Variants in PAX7 observed in about 807,000 individuals in gnomAD.
PAX7 encodes paired box 7.
A neutral mutation model predicts 50.7 loss-of-function variants in PAX7; 18 were observed. The observed-to-expected ratio is 0.36, with a 90% CI of 0.25 to 0.53. The LOEUF (loss-of-function observed/expected upper bound fraction) is 0.53, where lower values mean the gene tolerates loss of function less well. Ranked by LOEUF, PAX7 falls within the 20% of genes least tolerant of loss-of-function variation. The pLI, the probability that PAX7 is intolerant of heterozygous loss-of-function variation, is 0.93. For missense variants in PAX7, 644 were observed against 702.9 expected, an observed-to-expected ratio of 0.92 and a Z score of 0.95; for synonymous variants, 310 against 290.4, an observed-to-expected ratio of 1.07 and a Z score of -0.69.
chr1:18,734,281 C>G (rs1313756898), intron 7 of PAX7, among the ~76,000 whole-genome samples: 1 of 152,144 alleles, frequency 6.6e-6, no homozygotes, highest in Non-Finnish European at 1.5e-5. Flanking sequence ...AGATTATCAG[C>G]AAAGCCGTCC....
chr1:18,702,707 G>A (rs960902246), intron 6 of PAX7, among the ~76,000 whole-genome samples: 7 of 152,144 alleles, frequency 4.6e-5, no homozygotes, highest in Non-Finnish European at 1.0e-4. Flanking sequence ...CCCTTAGGCA[G>A]CGTTTGTAAA....
intron 4 of PAX7, among the ~76,000 whole-genome samples, chr1:18,675,772 A>G (rs2088814276): frequency 6.6e-6 from 1 of 152,058 alleles, no homozygotes. Flanking sequence ...GTGTTGAGTG[A>G]ATTCATATCT....
At chr1:18,649,308 G>A (rs1329996775) in intron 4 of PAX7, among the ~76,000 whole-genome samples, 4 of 152,154 alleles carry the variant, frequency 2.6e-5, no homozygotes, top group Non-Finnish European at 4.4e-5. Context: ...CCCCATGCTG[G>A]CAGTTCATCG....
Position 18,634,095 on chromosome 1 carries a change from T to C in PAX7, c.86-208T>C. On this transcript the variant is annotated intron_variant, in intron 1 of 8. Coordinates refer to ENST00000420770, the MANE Select transcript of PAX7 (RefSeq NM_001135254.2). This position sits in a 1 kb window ranked among gnomAD's most constrained non-coding sequence, Gnocchi z 4.0. ...GACTCTTGCAGCTGTGACTCCTCTATCCATCTCTGCAGGAGATTTCCTAGA... is the reference window on the plus strand; with the variant it reads ...GACTCTTGCAGCTGTGACTCCTCTACCCATCTCTGCAGGAGATTTCCTAGA... Among the ~76,000 whole-genome samples the C allele has an allele frequency of 6.6e-6, 1 of 152,228 alleles. No individual in the cohort carries two copies. The highest frequency in any genetic ancestry group is 6.5e-5 in the Admixed American group (1 of 15,288).
intron 4 of PAX7, among the ~76,000 whole-genome samples, chr1:18,684,105 GTGGGACAGGGCA>G (rs984201616): frequency 1.1e-4 from 16 of 152,248 alleles, no homozygotes; most frequent in African/African-American, 3.9e-4. Flanking sequence ...CATGAGGAGG[GTGGGACAGGGCA>G]TGGGCAGAGG....
chr1:18,665,393 T>C (rs781497841), intron 4 of PAX7, among the ~76,000 whole-genome samples: 2 of 152,188 alleles, frequency 1.3e-5, no homozygotes, highest in African/African-American at 2.4e-5. Flanking sequence ...TCTTTTGTTT[T>C]TGAGACAGAG....
intron 5 of PAX7, among the ~76,000 whole-genome samples, chr1:18,693,191 C>T (rs2089100925): frequency 6.6e-6 from 1 of 152,150 alleles, no homozygotes; most frequent in South Asian, 2.1e-4. Context: ...CTCAGGGAGT[C>T]AGAGCGGCCT....
chr1:18,683,393 G>A (rs1373563635), intron 4 of PAX7, among the ~76,000 whole-genome samples: 2 of 149,254 alleles, frequency 1.3e-5, no homozygotes, highest in Non-Finnish European at 2.9e-5. Context: ...TACTTTATGT[G>A]CCGTAAGATA....
chr1:18,631,329 G>A lies in PAX7; in HGVS notation c.-275G>A. ...AGGCCAGCCGGCAGAGGCGGACTTG[G>A]GGTTGGAGTGTTTGTTTGTTTGAAC... On this transcript the variant is annotated 5_prime_UTR_variant, in exon 1 of 9. Transcript: ENST00000420770. 2.3e-6 allele frequency: 1 copy of A among 435,486 alleles called. No individual in the cohort carries two copies. 27.0% of individuals were successfully genotyped at this position (435,486 alleles called of 1,614,324 possible). A position where few individuals can be genotyped will look rare whatever the true frequency, so the allele number is the denominator to read the frequency against.
intron 4 of PAX7, among the ~76,000 whole-genome samples, chr1:18,672,397 G>A (rs897248660): frequency 1.1e-4 from 17 of 152,148 alleles, no homozygotes; most frequent in African/African-American, 4.1e-4. Context: ...TTAGAAACAT[G>A]TAACAGGAAA....
Position 18,700,563 on chromosome 1 carries a change from G to T in PAX7, c.787-90G>T. ...GAGGATGCTGGCTGGATCAGAGGGT[G>T]ATGGCTTGGGCAACTGGGTCTACAT... On this transcript the variant is annotated intron_variant, in intron 5 of 8. Coordinates refer to ENST00000420770, the MANE Select transcript of PAX7 (RefSeq NM_001135254.2). This position sits in a 1 kb window ranked among gnomAD's most constrained non-coding sequence, Gnocchi z 4.8. 1 of 1,236,816 alleles carries T rather than the reference G, an allele frequency of 8.1e-7. No homozygotes were observed. The allele number at this position is 1,236,816 out of a possible 1,614,324, so 76.6% of individuals were successfully genotyped here.
chr1:18,705,652 C>T (rs781496735), intron 7 of PAX7, among the ~76,000 whole-genome samples: 2 of 152,110 alleles, frequency 1.3e-5, no homozygotes, highest in African/African-American at 2.4e-5. Context: ...GAGTGTGGGT[C>T]GGGGATGGGA....
At chr1:18,656,686 T>C (rs370188279) in intron 4 of PAX7, among the ~76,000 whole-genome samples, 2 of 150,642 alleles carry the variant, frequency 1.3e-5, no homozygotes, top group Admixed American at 6.6e-5. Context: ...AATAAATGCA[T>C]GCATAAAAAA....
intron 4 of PAX7, among the ~76,000 whole-genome samples, chr1:18,663,639 C>A (rs1167751671): frequency 6.6e-6 from 1 of 152,208 alleles, no homozygotes; most frequent in Non-Finnish European, 1.5e-5. Context: ...GTCTCGGCCT[C>A]CCAAAGTGCT....
intron 7 of PAX7, among the ~76,000 whole-genome samples, chr1:18,707,001 A>C (rs2089292538): frequency 6.6e-6 from 1 of 152,224 alleles, no homozygotes; most frequent in African/African-American, 2.4e-5. Flanking sequence ...CAAGGACTCC[A>C]TGCAGAATCT....
chr1:18,711,018 C>T (rs1474814304), intron 7 of PAX7, among the ~76,000 whole-genome samples: 4 of 152,220 alleles, frequency 2.6e-5, no homozygotes, highest in Non-Finnish European at 5.9e-5. Context: ...CCTTCCTGGG[C>T]GAGTCTCCTG....
intron 7 of PAX7, among the ~76,000 whole-genome samples, chr1:18,716,525 C>T (rs1172706979): frequency 2.6e-5 from 4 of 151,186 alleles, no homozygotes; most frequent in Admixed American, 6.6e-5. Context: ...TTTTCACACA[C>T]TCTCTGCTTC....
At chr1:18,674,684 G>C (rs192124170) in intron 4 of PAX7, among the ~76,000 whole-genome samples, 127 of 152,334 alleles carry the variant, frequency 8.3e-4, no homozygotes, top group African/African-American at 3.0e-3. Context: ...GCATGGCACC[G>C]CTGTCTGTCC....
intron 7 of PAX7, among the ~76,000 whole-genome samples, chr1:18,717,928 A>G (rs2089447427): frequency 6.6e-6 from 1 of 152,160 alleles, no homozygotes. Context: ...TCTTAGGGGG[A>G]GAAATACCGT....
Sources: allele counts gnomAD v4.1 joint callset (sites outside exome capture counted in the v4.1 genomes callset), GRCh38; gene constraint gnomAD v4.1.1; non-coding constraint Gnocchi (gnomAD v3.1); transcripts MANE v1.5; gene names NCBI Gene and HGNC (gene_info 2026-07-23, HGNC 2026-07-21).